SNRPN: variants seen among roughly 807,000 people sequenced by gnomAD.
SNRPN encodes small nuclear ribonucleoprotein polypeptide N, also known as small nuclear ribonucleoprotein-associated protein N.
SNRPN carries 7 observed loss-of-function variants against 25.2 expected under a neutral mutation model. The ratio of observed to expected loss-of-function variants is 0.28; its 90% CI spans 0.16 to 0.52. SNRPN has a LOEUF of 0.52. Ranked by LOEUF, SNRPN falls within the 20% of genes least tolerant of loss-of-function variation. The probability of loss-of-function intolerance (pLI) is 0.96; values close to 1 mark genes in which losing one functional copy is unlikely to be tolerated. For synonymous variants in SNRPN, 124 were observed against 110.6 expected (o/e 1.12, Z -0.76); for missense variants, 196 against 322.5 (o/e 0.61, Z 3.00).
upstream of SNRPN, chr15:24,954,917 A>C: frequency 7.4e-7 from 1 of 1,353,978 alleles, no homozygotes; most frequent in Non-Finnish European, 1.0e-6. Context: ...GCGCGGCCGC[A>C]GAGGCAGGCT....
At chr15:24,827,866 CAA>C (rs5811361) in intron 1 of SNRPN, among the ~76,000 whole-genome samples, 418 of 135,030 alleles carry the variant, frequency 3.1e-3, no homozygotes, top group Middle Eastern at 7.8e-3. Context: ...GACTCCATCT[CAA>C]AAAAAAAAAA....
chr15:24,922,908 T>TTTTTTC lies in SNRPN; in HGVS notation c.-391+2789_-391+2790insCTTTTT, dbSNP rs1193885805. ...GCAGATCCTTTTTTTTTTTTTTTTTTTTTTTTTTGGGAAGACAGAGTCTCG... is the reference window on the plus strand; with the variant it reads ...GCAGATCCTTTTTTTTTTTTTTTTTTTTTTTCTTTTTTTTGGGAAGACAGAGTCTCG... On this transcript the variant is annotated intron_variant, in intron 3 of 11. Coordinates refer to the SNRPN transcript ENST00000400097. 2.3e-5 allele frequency among the ~76,000 whole-genome samples: 3 copies of TTTTTTC among 130,758 alleles called. 1 individual carries two copies. Among genetic ancestry groups the TTTTTTC allele is most frequent in the Non-Finnish European group, 3.2e-5 (2 of 62,692 alleles). 85.8% of individuals were successfully genotyped at this position (130,758 alleles called of 152,430 possible). A position where few individuals can be genotyped will look rare whatever the true frequency, so the allele number is the denominator to read the frequency against.
intron 2 of SNRPN, chr15:24,848,246 C>CGGCGGGGGCGGGGGCGGCGGCGGG (rs2052409752): frequency 2.7e-5 from 1 of 37,140 alleles, no homozygotes; most frequent in African/African-American, 1.0e-4. Flanking sequence ...GCGGGGGCGG[C>CGGCGGGGGCGGGGGCGGCGGCGGG]GGCGGGGGCG....
Position 24,978,628 on chromosome 15 carries a change from C to G in SNRPN, c.*184C>G, listed in dbSNP as rs757571186. The G allele has an allele frequency of 6.3e-6, 4 of 632,860 alleles. No homozygotes were observed. Among genetic ancestry groups the G allele is most frequent in the African/African-American group, 1.8e-5 (1 of 54,528 alleles). The allele number at this position is 632,860 out of a possible 1,614,324, so 39.2% of individuals were successfully genotyped here. A position where few individuals can be genotyped will look rare whatever the true frequency, so the allele number is the denominator to read the frequency against. The stretch of plus-strand genomic sequence containing the variant: ...TTTTGCCTGTTGATTTTGATGAGAT[C>G]TTAAGTTACTGTGGATGAGGGTGAT... On this transcript the variant is annotated 3_prime_UTR_variant, in exon 10 of 10. Coordinates refer to ENST00000390687, the MANE Select transcript of SNRPN (RefSeq NM_003097.6).
At chr15:24,909,219 G>A (rs527287438) in intron 2 of SNRPN, 25 of 1,543,252 alleles carry the variant, frequency 1.6e-5, no homozygotes, top group Non-Finnish European at 2.1e-5. Context: ...GCAACATTCT[G>A]GCCCATGATG....
At chr15:24,850,464 C>T (rs573421188) in intron 2 of SNRPN, 10 of 152,264 alleles carry the variant, frequency 6.6e-5, no homozygotes, top group Admixed American at 6.5e-4. Context: ...GCGGCTGCCA[C>T]CACACCCAGC....
chr15:24,904,065 A>G (rs998430040), intron 2 of SNRPN, among the ~76,000 whole-genome samples: 2 of 151,802 alleles, frequency 1.3e-5, no homozygotes, highest in Admixed American at 1.3e-4. Context: ...TCGGAGCAAG[A>G]AAAAGGAAAA....
chr15:24,886,371 A>C (rs1427571108), intron 1 of SNRPN: 2 of 152,216 alleles, frequency 1.3e-5, no homozygotes, highest in African/African-American at 4.8e-5. Context: ...TGCTGTACTT[A>C]GAGTTACTTA....
At chr15:24,904,693 C>T (rs577512430) in intron 2 of SNRPN, among the ~76,000 whole-genome samples, 16 of 149,326 alleles carry the variant, frequency 1.1e-4, no homozygotes, top group African/African-American at 3.5e-4. Flanking sequence ...AAAGAAAATC[C>T]GGGCTGGGCA....
At chr15:24,823,845 T>G (rs1285868835) in exon 1 of SNRPN, 1 of 152,166 alleles carries the variant, frequency 6.6e-6, no homozygotes, top group Non-Finnish European at 1.5e-5. Context: ...TATTGCTTTT[T>G]TGGAGGTGGG....
intron 2 of SNRPN, among the ~76,000 whole-genome samples, chr15:24,902,737 G>T (rs777160913): frequency 5.9e-5 from 9 of 152,202 alleles, no homozygotes; most frequent in Non-Finnish European, 1.0e-4. Context: ...CCTCCAGGTG[G>T]GTTCATGGTC....
chr15:24,924,889 T>A (rs1269971599), intron 3 of SNRPN, among the ~76,000 whole-genome samples: 1 of 152,122 alleles, frequency 6.6e-6, no homozygotes, highest in East Asian at 1.9e-4. Flanking sequence ...TTGTTGAGCT[T>A]ATGCTTGGCA....
chr15:24,849,395 A>G (rs2052588780), intron 2 of SNRPN: 1 of 152,290 alleles, frequency 6.6e-6, no homozygotes. Flanking sequence ...AAGGTCTACT[A>G]AAGGCTTAGT....
At chr15:24,953,540 C>T (rs1278846400), upstream of SNRPN, among the ~76,000 whole-genome samples, 3 of 152,134 alleles carry the variant, frequency 2.0e-5, no homozygotes, top group Non-Finnish European at 1.5e-5. Flanking sequence ...CCAGGATGGT[C>T]TCGATCTCCT....
At chr15:24,955,467 T>G (rs934028937) in intron 1 of SNRPN, among the ~76,000 whole-genome samples, 5 of 151,196 alleles carry the variant, frequency 3.3e-5, no homozygotes, top group Admixed American at 2.0e-4. Flanking sequence ...CATAGGGATT[T>G]TAGGCGGAGG....
At position 24,968,034 on chromosome 15, in the gene SNRPN, T is replaced by C; in HGVS notation, c.-192T>C. The C allele has an allele frequency of 6.2e-7, 1 of 1,613,922 alleles. No homozygotes were observed. Among genetic ancestry groups the C allele is most frequent in the Non-Finnish European group, 8.5e-7 (1 of 1,179,916 alleles). ...TCTTAGCTGAGACACCAAGAGGTGG[T>C]TAAAGCCATATTGGAGTAGCGAGGA... On this transcript the variant is annotated 5_prime_UTR_variant, in exon 3 of 10. Transcript: ENST00000390687.
chr15:24,976,442 A>G, intron 6 of SNRPN, 26 bp downstream of exon 6: 1 of 1,466,594 alleles, frequency 6.8e-7, no homozygotes, highest in Non-Finnish European at 9.5e-7. Flanking sequence ...GGCAGGACAG[A>G]ACTTTAATTT....
intron 2 of SNRPN, among the ~76,000 whole-genome samples, chr15:24,836,568 C>T (rs1481257637): frequency 6.6e-6 from 1 of 151,924 alleles, no homozygotes; most frequent in Non-Finnish European, 1.5e-5. Context: ...CCCACCACCA[C>T]ACCCAGCTAA....
At chr15:24,869,370 A>G (rs1566846220) in intron 1 of SNRPN, among the ~76,000 whole-genome samples, 1 of 152,148 alleles carries the variant, frequency 6.6e-6, no homozygotes, top group Non-Finnish European at 1.5e-5. Context: ...ACAATTCATA[A>G]TTCAGTAGTA....
Sources: gnomAD v4.1 joint callset for allele counts (sites outside exome capture counted in the v4.1 genomes callset) on GRCh38, gnomAD v4.1.1 for gene constraint, MANE v1.5 for transcripts, NCBI Gene and HGNC (gene_info 2026-07-23, HGNC 2026-07-21) for gene names.